Variants in UNC13C observed in about 807,000 individuals in gnomAD.
The protein encoded by UNC13C is unc-13 homolog C, also known as protein unc-13 homolog C.
Under a neutral mutation model 245.4 loss-of-function variants are expected in UNC13C, and 174 were observed. The ratio of observed to expected loss-of-function variants is 0.71; its 90% confidence interval spans 0.63 to 0.80. The LOEUF (loss-of-function observed/expected upper bound fraction) is 0.80. Among genes scored for constraint, UNC13C ranks in the 30% least tolerant of loss-of-function variants. The pLI, the probability that UNC13C is intolerant of heterozygous loss-of-function variation, is 0.00. For synonymous variants in UNC13C, 992 were observed against 895.1 expected (o/e 1.11, Z -1.93); for missense variants, 2,829 against 2,602.9 (o/e 1.09, Z -1.89).
chr15:54,233,431 T>C (rs927167182), intron 4 of UNC13C, among the ~76,000 whole-genome samples: 5 of 152,216 alleles, frequency 3.3e-5, no homozygotes, highest in African/African-American at 1.2e-4. Flanking sequence ...ATCCTTGACA[T>C]CTTTCTTACA....
intron 24 of UNC13C, among the ~76,000 whole-genome samples, chr15:54,524,945 C>T (rs1444345366): frequency 2.0e-5 from 3 of 152,046 alleles, no homozygotes; most frequent in Non-Finnish European, 4.4e-5. Context: ...ACCTATTATC[C>T]TGAACTTTCA....
chr15:54,169,193 C>T (rs1176404389), intron 4 of UNC13C, among the ~76,000 whole-genome samples: 1 of 152,092 alleles, frequency 6.6e-6, no homozygotes, highest in African/African-American at 2.4e-5. Flanking sequence ...TTTTAAAAAG[C>T]CCAAAAGAAT....
At chr15:54,616,898 C>T (rs1449208503) in intron 30 of UNC13C, among the ~76,000 whole-genome samples, 1 of 151,904 alleles carries the variant, frequency 6.6e-6, no homozygotes. Context: ...ATATAGGTGT[C>T]TTGTTTTTAT....
intron 16 of UNC13C, among the ~76,000 whole-genome samples, chr15:54,334,201 T>C (rs1373047288): frequency 2.0e-5 from 3 of 152,130 alleles, no homozygotes; most frequent in Admixed American, 1.3e-4. Flanking sequence ...ACTTAGATGT[T>C]TTGCCGACTT....
chr15:54,090,101 C>T (rs1899482421), intron 2 of UNC13C, among the ~76,000 whole-genome samples: 1 of 152,168 alleles, frequency 6.6e-6, no homozygotes, highest in African/African-American at 2.4e-5. Context: ...ACATGCATCA[C>T]CTGCAAATGT....
chr15:54,224,253 G>A (rs2035310667), intron 4 of UNC13C, among the ~76,000 whole-genome samples: 1 of 152,062 alleles, frequency 6.6e-6, no homozygotes, highest in African/African-American at 2.4e-5. Flanking sequence ...CATTCAGTAT[G>A]TTACTAGCTG....
intron 24 of UNC13C, among the ~76,000 whole-genome samples, chr15:54,517,497 A>T (rs576334966): frequency 2.0e-5 from 3 of 152,136 alleles, no homozygotes; most frequent in Admixed American, 1.3e-4. Context: ...AAACATAATT[A>T]GACTAGAGAT....
At chr15:53,955,225 A>G in the UNC13C span, among the ~76,000 whole-genome samples, 1 of 151,630 alleles carries the variant, frequency 6.6e-6, no homozygotes, top group Non-Finnish European at 1.5e-5. Flanking sequence ...GAAGATTTCC[A>G]CTTCCTTTTG....
chr15:54,536,648 T>A (rs962252013), intron 26 of UNC13C, among the ~76,000 whole-genome samples: 86 of 152,078 alleles, frequency 5.7e-4, no homozygotes, highest in African/African-American at 2.0e-3. Flanking sequence ...CATGTAGGAT[T>A]TATTCCTAGG....
intron 30 of UNC13C, among the ~76,000 whole-genome samples, chr15:54,587,730 G>A (rs376388319): frequency 6.6e-6 from 1 of 152,064 alleles, no homozygotes; most frequent in Admixed American, 6.6e-5. Context: ...ACCTCCCCAT[G>A]CCCAGCCAAC....
chr15:54,082,838 G>C (rs1179176230), intron 2 of UNC13C, among the ~76,000 whole-genome samples: 2 of 152,096 alleles, frequency 1.3e-5, no homozygotes, highest in East Asian at 1.9e-4. Context: ...GGGGGCCAAG[G>C]CTCTGAATGG....
At chr15:53,900,329 C>T in the UNC13C span, among the ~76,000 whole-genome samples, 1 of 152,096 alleles carries the variant, frequency 6.6e-6, no homozygotes, top group Non-Finnish European at 1.5e-5. Context: ...AGAAGAGGGC[C>T]TGATGTATGA....
At chr15:54,429,725 A>G (rs1370945637) in intron 19 of UNC13C, among the ~76,000 whole-genome samples, 2 of 151,550 alleles carry the variant, frequency 1.3e-5, no homozygotes, top group Non-Finnish European at 3.0e-5. Context: ...TCTCCATGGG[A>G]ATTTGATATT....
In UNC13C at chr15:54,455,164, C is replaced by CCTCTCTCTCTCTCTCTCTGTCT. The variant is rs1567288652; in HGVS notation, c.4934-39426_4934-39425insGTCTCTCTCTCTCTCTCTCTCT. Among the ~76,000 whole-genome samples the CCTCTCTCTCTCTCTCTCTGTCT allele has an allele frequency of 2.9e-3, 50 of 17,516 alleles. 3 individuals carry two copies. The highest frequency in any genetic ancestry group is 0.017 in the Admixed American group (19 of 1,116). The allele number at this position is 17,516 out of a possible 152,430, so 11.5% of individuals were successfully genotyped here. ...TTCCTTTCTATGGCTGAGTCATATT[C>CCTCTCTCTCTCTCTCTCTGTCT]CTCTCTCTCTCTCTCTCTCTCTCTC... On this transcript the variant is annotated intron_variant, in intron 19 of 32. Coordinates refer to ENST00000260323, the MANE Select transcript of UNC13C (RefSeq NM_001080534.3).
At chr15:54,440,984 T>C (rs1274991844) in intron 19 of UNC13C, among the ~76,000 whole-genome samples, 1 of 152,060 alleles carries the variant, frequency 6.6e-6, no homozygotes, top group Non-Finnish European at 1.5e-5. Flanking sequence ...TTCATGTCAT[T>C]TGACTACTTT....
chr15:54,570,792 A>T (rs945420212), intron 30 of UNC13C, among the ~76,000 whole-genome samples: 8 of 152,230 alleles, frequency 5.3e-5, no homozygotes. Flanking sequence ...TATTTCTGTA[A>T]CAAATCCTAA....
chr15:54,283,920 C>T (rs2037072163), intron 10 of UNC13C, among the ~76,000 whole-genome samples: 1 of 152,136 alleles, frequency 6.6e-6, no homozygotes, highest in Non-Finnish European at 1.5e-5. Flanking sequence ...ATGTCTAATA[C>T]ATATTGACCT....
chr15:53,905,810 T>G, the UNC13C span, among the ~76,000 whole-genome samples: 1 of 152,188 alleles, frequency 6.6e-6, no homozygotes, highest in Non-Finnish European at 1.5e-5. Flanking sequence ...GTGATGGATA[T>G]ATTAATTAAC....
At chr15:54,179,084 C>G (rs1349039176) in intron 4 of UNC13C, among the ~76,000 whole-genome samples, 2 of 152,018 alleles carry the variant, frequency 1.3e-5, no homozygotes, top group Admixed American at 1.3e-4. Flanking sequence ...AAGCACCAAC[C>G]CAGCCAATTA....
Sources: gnomAD v4.1 joint callset for allele counts (sites outside exome capture counted in the v4.1 genomes callset) on GRCh38, gnomAD v4.1.1 for gene constraint, MANE v1.5 for transcripts, NCBI Gene and HGNC (gene_info 2026-07-23, HGNC 2026-07-21) for gene names.